Variants in IL16 observed in about 807,000 individuals in gnomAD.
IL16 encodes the protein interleukin 16.
Under a neutral mutation model 110.1 loss-of-function variants are expected in IL16, and 67 were observed. The ratio of observed to expected loss-of-function variants is 0.61; its 90% CI spans 0.50 to 0.75. The LOEUF (loss-of-function observed/expected upper bound fraction) is 0.75. IL16 is among the 30% of genes least tolerant of loss of function. The pLI is 0.00. For synonymous variants in IL16, 689 were observed against 662.9 expected (o/e 1.04, Z -0.61); for missense variants, 1,545 against 1,655.0 (o/e 0.93, Z 1.15).
chr15:81,188,352 G>A (rs1566986660), intron 1 of IL16: 1 of 456,362 alleles, frequency 2.2e-6, no homozygotes, highest in Non-Finnish European at 4.4e-6. Context: ...TCCCATTGCA[G>A]AGGGTGTGTG....
At chr15:81,260,341 A>G (rs1432294232) in intron 3 of IL16, among the ~76,000 whole-genome samples, 3 of 152,230 alleles carry the variant, frequency 2.0e-5, no homozygotes, top group Non-Finnish European at 4.4e-5. Flanking sequence ...GAGATCATCT[A>G]TGTTAACATA....
chr15:81,238,833 T>G (rs1307520976), intron 2 of IL16, among the ~76,000 whole-genome samples: 1 of 149,274 alleles, frequency 6.7e-6, no homozygotes, highest in East Asian at 1.9e-4. Flanking sequence ...TTTAGTTTTT[T>G]TTTTTTTTTA....
chr15:81,273,089 G>C lies in IL16; in HGVS notation c.676-1G>C. The C allele has an allele frequency of 6.2e-7, 1 of 1,611,362 alleles. No homozygotes were observed. The highest frequency in any genetic ancestry group is 8.5e-7 in the Non-Finnish European group (1 of 1,177,946). ...ATCAGACCTTCTCTTTTTTTCCCCA[G>C]GGTCTGGGCTTCAGCATCGTTGGGG... is the stretch of plus-strand genomic sequence containing the variant. On this transcript the variant is annotated splice_acceptor_variant, in intron 5 of 18. Transcript: ENST00000683961. LOFTEE classifies it high-confidence loss of function.
intron 1 of IL16, among the ~76,000 whole-genome samples, chr15:81,199,044 T>G (rs1474704723): frequency 7.5e-6 from 1 of 133,770 alleles, no homozygotes; most frequent in Non-Finnish European, 1.6e-5. Context: ...TATATATATA[T>G]ATATATATAT....
At chr15:81,218,409 A>G (rs1370129943) in intron 1 of IL16, among the ~76,000 whole-genome samples, 1 of 152,218 alleles carries the variant, frequency 6.6e-6, no homozygotes. Flanking sequence ...GGATGGGAAG[A>G]CTTTCTCCCC....
In IL16 at chr15:81,225,421, G is replaced by T. The variant is rs1838299708; in HGVS notation, c.22G>T (p.Gly8Ter). ...GAGGATGGAGTCGCACAGCCGCGCTGGAAAGAGCAGAAAATCTGCAAAATT... is the reference window on the plus strand; with the variant it reads ...GAGGATGGAGTCGCACAGCCGCGCTTGAAAGAGCAGAAAATCTGCAAAATT... The part of the protein sequence containing the change: MESHSRA[G>*]KSRKSAKFRS... Residue 8 changes from glycine to a stop codon, truncating the protein, a stop_gained, in exon 2 of 19, where the codon GGA (glycine) becomes TGA (stop). Transcript: ENST00000683961. LOFTEE classifies it high-confidence loss of function. 1 of 1,613,934 alleles carries T rather than the reference G, an allele frequency of 6.2e-7. No individual in the cohort carries two copies. Among genetic ancestry groups the T allele is most frequent in the Non-Finnish European group, 8.5e-7 (1 of 1,180,018 alleles).
chr15:81,232,528 A>T (rs548668788), intron 2 of IL16, among the ~76,000 whole-genome samples: 110 of 152,280 alleles, frequency 7.2e-4, no homozygotes, highest in African/African-American at 2.5e-3. Context: ...CACAATTGGC[A>T]GAGGTTTTAT....
intron 2 of IL16, among the ~76,000 whole-genome samples, chr15:81,243,161 ATATTTTT>A (rs1352114900): frequency 7.2e-5 from 2 of 27,780 alleles, no homozygotes; most frequent in African/African-American, 2.3e-4. Context: ...ATATATATAT[ATATTTTT>A]TTTTTTTTTT....
chr15:81,301,074 A>C (rs75863433), intron 14 of IL16, among the ~76,000 whole-genome samples: 132 of 152,316 alleles, frequency 8.7e-4, no homozygotes, highest in South Asian at 1.9e-3. Flanking sequence ...AGGATGTCAG[A>C]CGTGCCATAG....
In IL16 at chr15:81,214,024, GT is replaced by G. The variant is rs34964294; in HGVS notation, c.-101-11265del. Among the ~76,000 whole-genome samples the G allele has an allele frequency of 3.5e-3, 529 of 149,396 alleles. 5 individuals are homozygous for G. Among genetic ancestry groups the G allele is most frequent in the African/African-American group, 0.011 (439 of 41,296 alleles). On this transcript the variant is annotated intron_variant, in intron 1 of 18. Coordinates refer to ENST00000683961, the MANE Select transcript of IL16 (RefSeq NM_172217.5). ...GGCTATGTGCTTAAGTGTGCATTTTGTTTTTTTTTTGTTTGTTTGTTTGTTT... is the reference window on the plus strand; with the variant it reads ...GGCTATGTGCTTAAGTGTGCATTTTGTTTTTTTTTGTTTGTTTGTTTGTTT...
rs369481991 is a variant in IL16 at position 81,303,188 on chromosome 15, T to G, written c.3319-361T>G. On this transcript the variant is annotated intron_variant, in intron 15 of 18. Coordinates refer to ENST00000683961, the MANE Select transcript of IL16 (RefSeq NM_172217.5). The surrounding 1 kb of genome is among the most constrained non-coding windows in gnomAD (Gnocchi z 4.1). Reference sequence around the variant, plus strand: ...GACCCCTGTTTTGTTTTTTGTTGTTTTTTTTTTTTGTTTTGTTTTACCTGA... The same window carrying G: ...GACCCCTGTTTTGTTTTTTGTTGTTGTTTTTTTTTGTTTTGTTTTACCTGA... The G allele has an allele frequency of 0.011, 1,289 of 116,610 alleles. 15 individuals are homozygous for G. Among genetic ancestry groups the G allele is most frequent in the Non-Finnish European group, 0.014 (845 of 60,106 alleles). The allele number at this position is 116,610 out of a possible 1,614,324, so 7.2% of individuals were successfully genotyped here.
chr15:81,255,154 C>T (rs1379711272), intron 2 of IL16, among the ~76,000 whole-genome samples: 11 of 152,100 alleles, frequency 7.2e-5, no homozygotes, highest in South Asian at 2.1e-4. Flanking sequence ...TTGTTGGTGT[C>T]GAGAAAACAG....
intron 11 of IL16, among the ~76,000 whole-genome samples, chr15:81,291,201 G>A (rs1899701969): frequency 1.3e-5 from 2 of 152,182 alleles, no homozygotes; most frequent in Non-Finnish European, 2.9e-5. Context: ...ATATTGACAA[G>A]AAATTAAATG....
chr15:81,301,492 C>T lies in IL16; in HGVS notation c.3298C>T (p.Leu1100=). The part of the protein sequence containing the change: ...LKKLIEEVKV[L]DEATLKQLDG... Reference sequence around the variant, plus strand: ...AAAACTCATCGAGGAGGTGAAGGTTCTGGATGAAGCAACATTAAAGGTAGG... The same window carrying T: ...AAAACTCATCGAGGAGGTGAAGGTTTTGGATGAAGCAACATTAAAGGTAGG... The change falls in exon 15 of 19, where the codon CTG becomes TTG. Residue 1100 remains leucine (L), a synonymous_variant. Coordinates refer to ENST00000683961, the MANE Select transcript of IL16 (RefSeq NM_172217.5). 6.2e-6 allele frequency: 10 copies of T among 1,612,738 alleles called. No individual in the cohort carries two copies. The highest frequency in any genetic ancestry group is 8.5e-6 in the Non-Finnish European group (10 of 1,179,648).
Position 81,263,356 on chromosome 15 carries a change from G to GTT in IL16, c.422-2290_422-2289dup, listed in dbSNP as rs35967550. On this transcript the variant is annotated intron_variant, in intron 3 of 18. Coordinates refer to ENST00000683961, the MANE Select transcript of IL16 (RefSeq NM_172217.5). ...CCCCTTTCAAAAACTATTTTTTTTT[G>GTT]TTTTTTTTTTTTTTGCATTGGGTTG... Among the ~76,000 whole-genome samples, 776 of 126,842 alleles carry GTT rather than the reference G, an allele frequency of 6.1e-3. 10 individuals carry two copies. The highest frequency in any genetic ancestry group is 0.02 in the African/African-American group (732 of 36,700). 83.2% of individuals were successfully genotyped at this position (126,842 alleles called of 152,430 possible).
chr15:81,290,120 G>C (rs1256753033), intron 10 of IL16: 1 of 371,952 alleles, frequency 2.7e-6, no homozygotes, highest in Non-Finnish European at 5.0e-6. Context: ...TGTCATGACA[G>C]CATTGCCAAG....
chr15:81,193,338 T>C (rs1199509025), upstream of IL16, among the ~76,000 whole-genome samples: 1 of 152,040 alleles, frequency 6.6e-6, no homozygotes, highest in Non-Finnish European at 1.5e-5. Flanking sequence ...GCAATGTTAC[T>C]TTTGAAATTT....
Position 81,310,736 on chromosome 15 carries a change from A to C in IL16, c.*1938A>C, listed in dbSNP as rs760767134. ...TGTTTTAAGTCTTATCAAGCAGCCA[A>C]GGGATGAAAGAGAAGGTGGGTTTTC... On this transcript the variant is annotated 3_prime_UTR_variant, in exon 19 of 19. Coordinates refer to ENST00000683961, the MANE Select transcript of IL16 (RefSeq NM_172217.5). 1.3e-5 allele frequency: 2 copies of C among 152,190 alleles called. No homozygotes were observed. The highest frequency in any genetic ancestry group is 2.9e-5 in the Non-Finnish European group (2 of 68,070). 9.4% of individuals were successfully genotyped at this position (152,190 alleles called of 1,614,324 possible).
rs538607788 is a variant in IL16, at chr15:81,294,154, T to C, written c.1902+1117T>C. ...AGGAGGGGTAGCGGTGGAGACGGGA[T>C]GTTGAGTAGGAGGGGTGAAAGTGAA... On this transcript the variant is annotated intron_variant, in intron 12 of 18. Transcript: ENST00000683961. Among the ~76,000 whole-genome samples the C allele has an allele frequency of 1.2e-3, 182 of 152,154 alleles. 1 individual carries two copies. The highest frequency in any genetic ancestry group is 1.9e-3 in the Non-Finnish European group (131 of 67,986).
Sources: gnomAD v4.1 joint callset for allele counts (sites outside exome capture counted in the v4.1 genomes callset) on GRCh38, gnomAD v4.1.1 for gene constraint, Gnocchi (gnomAD v3.1) non-coding constraint, MANE v1.5 for transcripts, NCBI Gene and HGNC (gene_info 2026-07-23, HGNC 2026-07-21) for gene names.